GTSE1: variants seen among roughly 807,000 people sequenced by gnomAD.
GTSE1 encodes G2 and S-phase expressed 1.
A neutral mutation model predicts 60.5 loss-of-function variants in GTSE1; 52 were observed. The ratio of observed to expected loss-of-function variants is 0.86; its 90% CI spans 0.69 to 1.08. The LOEUF (loss-of-function observed/expected upper bound fraction) is 1.08. Ranked by LOEUF, GTSE1 falls within the 50% of genes least tolerant of loss-of-function variation. The probability of loss-of-function intolerance (pLI) is 0.00; values close to 1 mark genes in which losing one functional copy is unlikely to be tolerated. For missense variants in GTSE1, 937 were observed against 961.8 expected (o/e 0.97, Z 0.34); for synonymous variants, 368 against 386.5 (o/e 0.95, Z 0.56).
In GTSE1 at chr22:46,329,560, T is replaced by C; in HGVS notation, c.2129T>C (p.Val710Ala). The change falls in exon 11 of 12, where the codon GTG becomes GCG. Residue 710 changes from valine to alanine, a missense_variant. Val to Ala is a moderately conservative substitution (Grantham distance 64). Transcript: ENST00000454366. This position sits in a 1 kb window ranked among gnomAD's most constrained non-coding sequence, Gnocchi z 6.4. ...NKNVAKPSPVVGQLIDLSSPL... is the reference protein window; with the variant it reads ...NKNVAKPSPVAGQLIDLSSPL... Reference sequence around the variant, plus strand: ...AATGTGGCCAAACCTTCACCGGTGGTGGGACAGGTGAGAAGTGGCAGGTGG... The same window carrying C: ...AATGTGGCCAAACCTTCACCGGTGGCGGGACAGGTGAGAAGTGGCAGGTGG... The C allele has an allele frequency of 6.2e-7, 1 of 1,612,512 alleles. No homozygotes were observed. Among genetic ancestry groups the C allele is most frequent in the Non-Finnish European group, 8.5e-7 (1 of 1,178,542 alleles).
rs182111243 is a variant in GTSE1 at position 46,322,273 on chromosome 22, G to C, written c.1433-917G>C. 1.4e-3 allele frequency among the ~76,000 whole-genome samples: 206 copies of C among 152,194 alleles called. 1 individual carries two copies. The highest frequency in any genetic ancestry group is 3.4e-3 in the Admixed American group (52 of 15,280). The stretch of plus-strand genomic sequence containing the variant: ...GTTGCCAGAGAGAGGGGCTGTCTGT[G>C]GGGGCAGCAGCCTGGACCCTCGCCT... On this transcript the variant is annotated intron_variant, in intron 7 of 11. Coordinates refer to ENST00000454366, the MANE Select transcript of GTSE1 (RefSeq NM_016426.7).
At chr22:46,300,860 T>C (rs756370192) in intron 2 of GTSE1, among the ~76,000 whole-genome samples, 45 of 152,232 alleles carry the variant, frequency 3.0e-4, no homozygotes, top group Non-Finnish European at 5.6e-4. Context: ...AAAAGTGAAA[T>C]GTCTGCCTCT....
chr22:46,297,419 C>G lies in GTSE1; in HGVS notation c.19C>G (p.Arg7Gly). 5.6e-6 allele frequency: 9 copies of G among 1,613,640 alleles called. 1 individual carries two copies. The highest frequency in any genetic ancestry group is 6.8e-6 in the Non-Finnish European group (8 of 1,179,594). The change falls in exon 2 of 12, where the codon CGC (arginine) becomes GGC (glycine). Residue 7 changes from arginine to glycine, a missense_variant. Arg to Gly is a moderately radical substitution (Grantham distance 125). Coordinates refer to ENST00000454366, the MANE Select transcript of GTSE1 (RefSeq NM_016426.7). This position sits in a 1 kb window ranked among gnomAD's most constrained non-coding sequence, Gnocchi z 4.9. ...TCTCTCCATGGAAGGAGGCGGCGGC[C>G]GCGATGAGCCTTCAGCCTGCCGGGC... MEGGGG[R>G]DEPSACRAGD...
chr22:46,325,126 T>C (rs2077836306), intron 8 of GTSE1, among the ~76,000 whole-genome samples: 1 of 152,216 alleles, frequency 6.6e-6, no homozygotes, highest in African/African-American at 2.4e-5. Flanking sequence ...AGGGCCTGTT[T>C]CCCGATTCAC....
At chr22:46,323,025 C>T (rs573367903) in intron 7 of GTSE1, among the ~76,000 whole-genome samples, 165 bp from the exon 8 acceptor site, 1 of 152,344 alleles carries the variant, frequency 6.6e-6, no homozygotes, top group South Asian at 2.1e-4. Flanking sequence ...ATGTGGCTGC[C>T]TGCAGCAGGG....
chr22:46,318,796 C>G lies in GTSE1; in HGVS notation c.1432+2384C>G, dbSNP rs1016980676. 6.6e-6 allele frequency among the ~76,000 whole-genome samples: 1 copy of G among 152,112 alleles called. No individual in the cohort carries two copies. The highest frequency in any genetic ancestry group is 1.5e-5 in the Non-Finnish European group (1 of 68,016). ...GCGGTCGGGATTCTGCGTAGACGTG[C>G]GACAGCTGGTCAGTACTCCTTGGTG... On this transcript the variant is annotated intron_variant, in intron 7 of 11. Transcript: ENST00000454366. The surrounding 1 kb of genome is among the most constrained non-coding windows in gnomAD (Gnocchi z 4.8).
chr22:46,308,551 G>A lies in GTSE1; in HGVS notation c.370G>A (p.Ala124Thr). 2 of 1,614,202 alleles carry A rather than the reference G, an allele frequency of 1.2e-6. No homozygotes were observed. Among genetic ancestry groups the A allele is most frequent in the Non-Finnish European group, 1.7e-6 (2 of 1,180,032 alleles). The change falls in exon 4 of 12, where the codon GCC becomes ACC. Residue 124 changes from alanine to threonine, a missense_variant. Ala to Thr is a moderately conservative substitution (Grantham distance 58). Coordinates refer to ENST00000454366, the MANE Select transcript of GTSE1 (RefSeq NM_016426.7). ...SSSRNQAAQA[A>T]KPEDPRSQGV... ...CAGCCGGAACCAGGCAGCCCAAGCT[G>A]CCAAGCCTGAAGACCCTCGGAGCCA...
Position 46,297,500 on chromosome 22 carries a change from C to T in GTSE1, c.79+21C>T. The T allele has an allele frequency of 6.4e-7, 1 of 1,554,994 alleles. No individual in the cohort carries two copies. Among genetic ancestry groups the T allele is most frequent in the Non-Finnish European group, 8.9e-7 (1 of 1,127,358 alleles). On this transcript the variant is annotated intron_variant, in intron 2 of 11. Coordinates refer to ENST00000454366, the MANE Select transcript of GTSE1 (RefSeq NM_016426.7). This position sits in a 1 kb window ranked among gnomAD's most constrained non-coding sequence, Gnocchi z 4.9. ...GGAAGGCAAGTCCTTGCTGCTGCGG[C>T]GCTGTTGTTGTTCAGGATGTTCAGT... is the stretch of plus-strand genomic sequence containing the variant.
chr22:46,301,002 A>G (rs2077686302), intron 2 of GTSE1, among the ~76,000 whole-genome samples: 2 of 152,178 alleles, frequency 1.3e-5, no homozygotes, highest in Admixed American at 1.3e-4. Flanking sequence ...CTTTCCATAT[A>G]GCATGGAGAG....
In GTSE1 at chr22:46,330,210, A is replaced by G. The variant is rs983685239; in HGVS notation, c.*80A>G. The G allele has an allele frequency of 1.2e-6, 1 of 846,642 alleles. No homozygotes were observed. The highest frequency in any genetic ancestry group is 1.7e-5 in the African/African-American group (1 of 60,580). The allele number at this position is 846,642 out of a possible 1,614,324, so 52.4% of individuals were successfully genotyped here. Reference sequence around the variant, plus strand: ...CAGAAACAAGCTTTAGGCTGGTCGCAGTGGCTTACACTTGTAACCCTAGAA... The same window carrying G: ...CAGAAACAAGCTTTAGGCTGGTCGCGGTGGCTTACACTTGTAACCCTAGAA... On this transcript the variant is annotated 3_prime_UTR_variant, in exon 12 of 12. Transcript: ENST00000454366. This position sits in a 1 kb window ranked among gnomAD's most constrained non-coding sequence, Gnocchi z 6.0.
chr22:46,323,323 AC>A, intron 8 of GTSE1, 61 bp downstream of exon 8: 1 of 1,263,920 alleles, frequency 7.9e-7, no homozygotes, highest in Non-Finnish European at 1.2e-6. Flanking sequence ...GCATCTGCTT[AC>A]CTCAACCATT....
At chr22:46,326,721 A>G (rs970770090) in intron 9 of GTSE1, 67 bp downstream of exon 9, 4 of 1,122,516 alleles carry the variant, frequency 3.6e-6, no homozygotes, top group Non-Finnish European at 5.1e-6. Context: ...ACAGTGACAT[A>G]CCTTTTTCTT....
In GTSE1 at chr22:46,318,846, C is replaced by T. The variant is rs1184869031; in HGVS notation, c.1432+2434C>T. On this transcript the variant is annotated intron_variant, in intron 7 of 11. Coordinates refer to ENST00000454366, the MANE Select transcript of GTSE1 (RefSeq NM_016426.7). The surrounding 1 kb of genome is among the most constrained non-coding windows in gnomAD (Gnocchi z 4.8). ...GTCAGGGACCCAGGCTTACTCCATC[C>T]TGTGCTGCCGTGATGAGCTTCTCAT... 1.3e-5 allele frequency among the ~76,000 whole-genome samples: 2 copies of T among 152,148 alleles called. No individual in the cohort carries two copies. The highest frequency in any genetic ancestry group is 2.9e-5 in the Non-Finnish European group (2 of 68,024).
Position 46,322,785 on chromosome 22 carries a change from G to GA in GTSE1, c.1433-405_1433-404insA, listed in dbSNP as rs563715031. 9.8e-5 allele frequency among the ~76,000 whole-genome samples: 15 copies of GA among 152,336 alleles called. No homozygotes were observed. In the East Asian group the frequency reaches 1.5e-3, roughly 16 times the overall value. Reference sequence around the variant, plus strand: ...AATGTGGGCTCTGTTGCGCGTGCCTGGGAAGCTAAACCCCTGCGGTGTTGT... The same window carrying GA: ...AATGTGGGCTCTGTTGCGCGTGCCTGAGGAAGCTAAACCCCTGCGGTGTTGT... On this transcript the variant is annotated intron_variant, in intron 7 of 11. Coordinates refer to ENST00000454366, the MANE Select transcript of GTSE1 (RefSeq NM_016426.7).
At chr22:46,302,765 T>G (rs74532808) in intron 2 of GTSE1, among the ~76,000 whole-genome samples, 3,756 of 152,070 alleles carry the variant, frequency 0.025, 83 homozygotes, top group Non-Finnish European at 0.039. Flanking sequence ...TAGGGCTTTG[T>G]TTTTTTTCCA....
In GTSE1 at chr22:46,324,823, C is replaced by T. The variant is rs1477246282; in HGVS notation, c.1505+1561C>T. On this transcript the variant is annotated intron_variant, in intron 8 of 11. Transcript: ENST00000454366. This position sits in a 1 kb window ranked among gnomAD's most constrained non-coding sequence, Gnocchi z 5.2. Reference sequence around the variant, plus strand: ...TCTGTTTCTCTCTTGATTTCAGCCTCGTTGCTTTTCTTCCATTTAAATAGG... The same window carrying T: ...TCTGTTTCTCTCTTGATTTCAGCCTTGTTGCTTTTCTTCCATTTAAATAGG... 1.3e-5 allele frequency among the ~76,000 whole-genome samples: 2 copies of T among 152,124 alleles called. No homozygotes were observed. The highest frequency in any genetic ancestry group is 2.4e-5 in the African/African-American group (1 of 41,412).
At chr22:46,307,892 A>C (rs976625614) in intron 2 of GTSE1, among the ~76,000 whole-genome samples, 1 of 152,140 alleles carries the variant, frequency 6.6e-6, no homozygotes, top group Non-Finnish European at 1.5e-5. Context: ...CAGGAGGATC[A>C]CTTGAGGCCA....
chr22:46,296,934 A>G lies in GTSE1; in HGVS notation c.-22+3A>G, dbSNP rs1201528648. On this transcript the variant is annotated splice_donor_region_variant and intron_variant, in intron 1 of 11. Coordinates refer to ENST00000454366, the MANE Select transcript of GTSE1 (RefSeq NM_016426.7). ...TCCTGCATCGTCTGCCGCTTTGGGTAAGGTGGGGTCAGGGTCGGGGGCGAG... is the reference window on the plus strand; with the variant it reads ...TCCTGCATCGTCTGCCGCTTTGGGTGAGGTGGGGTCAGGGTCGGGGGCGAG... 1.2e-5 allele frequency: 2 copies of G among 162,076 alleles called. No homozygotes were observed. Among genetic ancestry groups the G allele is most frequent in the South Asian group, 2.9e-4 (2 of 6,852 alleles). The allele number at this position is 162,076 out of a possible 1,614,324, so 10.0% of individuals were successfully genotyped here. A position where few individuals can be genotyped will look rare whatever the true frequency, so the allele number is the denominator to read the frequency against.
At chr22:46,325,047 C>T (rs1601916870) in intron 8 of GTSE1, among the ~76,000 whole-genome samples, 1 of 152,162 alleles carries the variant, frequency 6.6e-6, no homozygotes, top group African/African-American at 2.4e-5. Context: ...GAACAACAAA[C>T]ATTTGTTTCT....
Sources: allele counts gnomAD v4.1 joint callset (sites outside exome capture counted in the v4.1 genomes callset), GRCh38; gene constraint gnomAD v4.1.1; non-coding constraint Gnocchi (gnomAD v3.1); transcripts MANE v1.5; gene names NCBI Gene and HGNC (gene_info 2026-07-23, HGNC 2026-07-21).